Variants in SHANK1 observed in about 807,000 individuals in gnomAD.
The protein encoded by SHANK1 is SH3 and multiple ankyrin repeat domains 1, also known as SH3 and multiple ankyrin repeat domains protein 1.
In SHANK1, 35 loss-of-function variants were observed where a neutral mutation model predicts 165.6. The ratio of observed to expected loss-of-function variants is 0.21; its 90% CI spans 0.16 to 0.28. The LOEUF (loss-of-function observed/expected upper bound fraction) is 0.28. Among genes scored for constraint, SHANK1 ranks in the 10% least tolerant of loss-of-function variants. The pLI is 1.00. For synonymous variants in SHANK1, 1,428 were observed against 1,384.8 expected, an observed-to-expected ratio of 1.03 and a Z score of -0.69; for missense variants, 2,681 against 3,036.4, an observed-to-expected ratio of 0.88 and a Z score of 2.75.
intron 15 of SHANK1, among the ~76,000 whole-genome samples, chr19:50,695,298 G>T (rs1273079162): frequency 6.8e-6 from 1 of 147,812 alleles, no homozygotes; most frequent in East Asian, 2.0e-4. Flanking sequence ...GCGGTAGCGC[G>T]AGGACCGCGG....
Position 50,697,146 on chromosome 19 carries a change from G to A in SHANK1, c.1938-24C>T. ...AGCTTCCGAAGCAAGTCAGCCAGCA[G>A]CCAGGGAGGGGAAAGGTGTCAGTGC... On this transcript the variant is annotated intron_variant, in intron 14 of 23. Transcript: ENST00000293441. This position sits in a 1 kb window ranked among gnomAD's most constrained non-coding sequence, Gnocchi z 4.7. 1 of 1,613,578 alleles carries A rather than the reference G, an allele frequency of 6.2e-7. No individual in the cohort carries two copies. The highest frequency in any genetic ancestry group is 8.5e-7 in the Non-Finnish European group (1 of 1,179,924).
chr19:50,715,696 T>G lies in SHANK1; in HGVS notation c.494A>C (p.Asn165Thr), dbSNP rs774658521. ...CTTGGCCAGCTGCTTCTCATCCAGG[T>G]TGGTCTGTTTGTAAACTCGGGTCTT... ...RYKTRVYKQT[N>T]LDEKQLAKLH... is the part of the protein sequence containing the mutation. Residue 165 changes from asparagine to threonine, a missense_variant, in exon 4 of 24, where the codon AAC (asparagine) becomes ACC (threonine). Asn to Thr is a moderately conservative substitution (Grantham distance 65). Around this residue, in one of 10 missense-constraint regions of SHANK1, gnomAD observed 189 missense variants for 440.9 expected, o/e 0.43. Coordinates refer to ENST00000293441, the MANE Select transcript of SHANK1 (RefSeq NM_016148.5). The G allele has an allele frequency of 1.9e-6, 3 of 1,614,084 alleles. No homozygotes were observed.
chr19:50,678,332 G>A (rs4802731), intron 21 of SHANK1, among the ~76,000 whole-genome samples: 63,935 of 151,706 alleles, frequency 0.42, 13,990 homozygotes, highest in Admixed American at 0.52. Context: ...GGGCTGGAGA[G>A]GACAGCAAGA....
chr19:50,672,555 CAAAAAAAAAAAA>C (rs3987747), intron 21 of SHANK1, among the ~76,000 whole-genome samples: 38 of 35,514 alleles, frequency 1.1e-3, no homozygotes, highest in African/African-American at 3.9e-3. Context: ...GACTCTGTCT[CAAAAAAAAAAAA>C]AAAAAAAAAA....
intron 12 of SHANK1, among the ~76,000 whole-genome samples, chr19:50,699,956 A>G (rs1337874238): frequency 9.9e-5 from 10 of 100,810 alleles, no homozygotes; most frequent in African/African-American, 4.2e-4. Flanking sequence ...GCATTGGAGG[A>G]TTGGAGGGCT....
intron 15 of SHANK1, among the ~76,000 whole-genome samples, chr19:50,695,318 G>A (rs912678520): frequency 7.2e-4 from 107 of 148,138 alleles, no homozygotes; most frequent in Non-Finnish European, 9.5e-4. Flanking sequence ...GACGGCGCCG[G>A]CTTCAGCACC....
Position 50,702,818 on chromosome 19 carries a change from C to T in SHANK1, c.1554-158G>A, listed in dbSNP as rs751524486. Among the ~76,000 whole-genome samples, 3 of 152,042 alleles carry T rather than the reference C, an allele frequency of 2.0e-5. No homozygotes were observed. The highest frequency in any genetic ancestry group is 7.2e-5 in the African/African-American group (3 of 41,388). ...CCAAGGAAGAGGGCATTTGGGGGCTCCCTCTGCCTGCCCGCAGCTGCCCCA... is the reference window on the plus strand; with the variant it reads ...CCAAGGAAGAGGGCATTTGGGGGCTTCCTCTGCCTGCCCGCAGCTGCCCCA... On this transcript the variant is annotated intron_variant, in intron 11 of 23. Coordinates refer to ENST00000293441, the MANE Select transcript of SHANK1 (RefSeq NM_016148.5). The surrounding 1 kb of genome is among the most constrained non-coding windows in gnomAD (Gnocchi z 5.3).
In SHANK1 at chr19:50,704,419, TCC is replaced by T; in HGVS notation, c.1155+16_1155+17del. ...CCTTAGCCCTGGAAACTCCAGCACA[TCC>T]CCTGCAGCCCCAGACCTGGAAGGGG... On this transcript the variant is annotated intron_variant, in intron 9 of 23. Coordinates refer to ENST00000293441, the MANE Select transcript of SHANK1 (RefSeq NM_016148.5). 1 of 1,611,842 alleles carries T rather than the reference TCC, an allele frequency of 6.2e-7. No homozygotes were observed. Among genetic ancestry groups the T allele is most frequent in the Non-Finnish European group, 8.5e-7 (1 of 1,178,104 alleles).
intron 15 of SHANK1, among the ~76,000 whole-genome samples, chr19:50,695,307 G>A (rs1283747424): frequency 2.0e-5 from 3 of 148,534 alleles, no homozygotes; most frequent in Non-Finnish European, 4.5e-5. Context: ...CGAGGACCGC[G>A]GACGGCGCCG....
intron 22 of SHANK1, among the ~76,000 whole-genome samples, chr19:50,669,592 C>T (rs1255210074): frequency 6.6e-6 from 1 of 152,028 alleles, no homozygotes; most frequent in Non-Finnish European, 1.5e-5. Context: ...GCTCAGTGAA[C>T]GGTTTGGGGC....
chr19:50,675,241 A>T (rs1985938666), intron 21 of SHANK1, among the ~76,000 whole-genome samples: 1 of 152,164 alleles, frequency 6.6e-6, no homozygotes, highest in Non-Finnish European at 1.5e-5. Flanking sequence ...TCATTAAAGA[A>T]ACAGACCAAC....
chr19:50,704,939 C>T (rs1173414851), intron 8 of SHANK1, among the ~76,000 whole-genome samples: 1 of 151,608 alleles, frequency 6.6e-6, no homozygotes, highest in Non-Finnish European at 1.5e-5. Flanking sequence ...CCTGGAGTCC[C>T]GAATACTTGG....
chr19:50,671,632 C>T (rs556512964), intron 22 of SHANK1, among the ~76,000 whole-genome samples: 5 of 152,028 alleles, frequency 3.3e-5, no homozygotes, highest in Admixed American at 6.6e-5. Context: ...TATTCGCTGA[C>T]GTATCCCCAT....
chr19:50,709,742 G>A (rs184954389), intron 8 of SHANK1, among the ~76,000 whole-genome samples: 1 of 152,086 alleles, frequency 6.6e-6, no homozygotes, highest in Non-Finnish European at 1.5e-5. Flanking sequence ...ATAGAGACCA[G>A]GTTTTCCCAC....
In SHANK1 at chr19:50,667,197, G is replaced by T; in HGVS notation, c.4763C>A (p.Pro1588His). 1 of 1,574,106 alleles carries T rather than the reference G, an allele frequency of 6.4e-7. No homozygotes were observed. The highest frequency in any genetic ancestry group is 8.6e-7 in the Non-Finnish European group (1 of 1,167,504). The change falls in exon 23 of 24, where the codon CCT becomes CAT. Residue 1588 changes from proline to histidine, a missense_variant. By Grantham distance (77) the Pro-to-His change is moderately conservative. Transcript: ENST00000293441. The surrounding 1 kb of genome is among the most constrained non-coding windows in gnomAD (Gnocchi z 5.7). Reference sequence around the variant, plus strand: ...AGGTGTGTCGGGCAGCGGGTGGGGAGGCCCAGGCGTGAGGGGCGACTCTGG... The same window carrying T: ...AGGTGTGTCGGGCAGCGGGTGGGGATGCCCAGGCGTGAGGGGCGACTCTGG... ...EKPESPLTPG[P>H]PHPLPDTPAP... is the part of the protein sequence containing the mutation.
rs773901075 is a variant in SHANK1 at position 50,714,249 on chromosome 19, T to C, written c.573A>G (p.Thr191=). 4.3e-6 allele frequency: 7 copies of C among 1,614,002 alleles called. No individual in the cohort carries two copies. The highest frequency in any genetic ancestry group is 1.1e-5 in the South Asian group (1 of 91,088). The change falls in exon 5 of 24, where the codon ACA becomes ACG. Residue 191 remains threonine (T), a synonymous_variant. Transcript: ENST00000293441. The part of the protein sequence containing the change: ...KKFLEYVQLG[T]SDKVARLLDK... Reference sequence around the variant, plus strand: ...CCAGCAGCCGCGCCACCTTGTCAGATGTCCCGAGCTGCACATACTCCAGGA... The same window carrying C: ...CCAGCAGCCGCGCCACCTTGTCAGACGTCCCGAGCTGCACATACTCCAGGA...
intron 21 of SHANK1, among the ~76,000 whole-genome samples, chr19:50,676,097 A>G (rs1473138463): frequency 6.6e-6 from 1 of 151,992 alleles, no homozygotes; most frequent in Non-Finnish European, 1.5e-5. Flanking sequence ...CAGGAGTTCG[A>G]GACTAGCCTG....
At position 50,688,915 on chromosome 19, in the gene SHANK1, A is replaced by G; in HGVS notation, c.2101T>C (p.Tyr701His). The change falls in exon 17 of 24, where the codon TAC (tyrosine) becomes CAC (histidine). Residue 701 changes from tyrosine (Y) to histidine (H), a missense_variant. This residue lies in a region of SHANK1 where 147 missense variants were observed against 256.5 expected (regional missense o/e 0.57). Transcript: ENST00000293441. The surrounding 1 kb of genome is among the most constrained non-coding windows in gnomAD (Gnocchi z 6.7). ...CCACCCTCGTCCACCGACTCCAGGT[A>G]CTGCAGCGCCGGGAAGGCCGGGGTG... Reference protein sequence around the residue: ...TPTPAFPALQYLESVDEGGVA... With the variant: ...TPTPAFPALQHLESVDEGGVA... 6.4e-7 allele frequency: 1 copy of G among 1,574,004 alleles called. No homozygotes were observed. Among genetic ancestry groups the G allele is most frequent in the Non-Finnish European group, 8.6e-7 (1 of 1,159,278 alleles).
intron 21 of SHANK1, among the ~76,000 whole-genome samples, chr19:50,679,683 G>A (rs1445551234): frequency 6.6e-6 from 1 of 152,194 alleles, no homozygotes; most frequent in Non-Finnish European, 1.5e-5. Flanking sequence ...CCAGTGGCTG[G>A]GGAACTCCTG....
Sources: allele counts gnomAD v4.1 joint callset (sites outside exome capture counted in the v4.1 genomes callset), GRCh38; gene constraint gnomAD v4.1.1; regional missense constraint gnomAD v4.1.1; non-coding constraint Gnocchi (gnomAD v3.1); transcripts MANE v1.5; gene names NCBI Gene and HGNC (gene_info 2026-07-23, HGNC 2026-07-21).